The following TRRAP variants were observed in gnomAD, a reference collection of about 807,000 sequenced individuals.
TRRAP encodes transformation/transcription domain-associated protein.
A neutral mutation model predicts 438.8 loss-of-function variants in TRRAP; 41 were observed. That is an observed-to-expected ratio of 0.09 (90% confidence interval 0.07 to 0.12). The LOEUF (loss-of-function observed/expected upper bound fraction) is 0.12, where lower values mean the gene tolerates loss of function less well. Ranked by LOEUF, TRRAP falls within the 10% of genes least tolerant of loss-of-function variation. TRRAP has a pLI of 1.00. For synonymous variants in TRRAP, 1,994 were observed against 1,962.9 expected, an observed-to-expected ratio of 1.02 and a Z score of -0.42; for missense variants, 3,122 against 5,055.1, an observed-to-expected ratio of 0.62 and a Z score of 11.60.
intron 7 of TRRAP, 75 bp downstream of exon 7, chr7:98,895,895 G>C: frequency 8.1e-7 from 1 of 1,241,978 alleles, no homozygotes; most frequent in Non-Finnish European, 1.1e-6. Context: ...TAGAACAGTT[G>C]GGTTGCAGAA....
In TRRAP at chr7:98,976,701, G is replaced by C; in HGVS notation, c.8178G>C (p.Leu2726=). The C allele has an allele frequency of 6.2e-7, 1 of 1,614,120 alleles. No individual in the cohort carries two copies. Among genetic ancestry groups the C allele is most frequent in the Non-Finnish European group, 8.5e-7 (1 of 1,180,040 alleles). ...AGCACCAGGCTTTTGAAAAGGGTCTGAGTCTTCAGATTAAGCCGAAGCAAA... is the reference window on the plus strand; with the variant it reads ...AGCACCAGGCTTTTGAAAAGGGTCTCAGTCTTCAGATTAAGCCGAAGCAAA... ...MLEHQAFEKG[L]SLQIKPKQTT... The change falls in exon 55 of 73, where the codon CTG becomes CTC. Residue 2726 remains leucine (L), a synonymous_variant. Coordinates refer to ENST00000456197, the MANE Select transcript of TRRAP (RefSeq NM_001375524.1). This position sits in a 1 kb window ranked among gnomAD's most constrained non-coding sequence, Gnocchi z 4.6.
chr7:98,986,933 G>A (rs1025642720), intron 62 of TRRAP, among the ~76,000 whole-genome samples: 1 of 152,140 alleles, frequency 6.6e-6, no homozygotes, highest in Non-Finnish European at 1.5e-5. Context: ...GGTTGTCCCA[G>A]CACCATTTGC....
chr7:98,884,547 C>A (rs1795605532), intron 3 of TRRAP, among the ~76,000 whole-genome samples: 1 of 152,158 alleles, frequency 6.6e-6, no homozygotes, highest in South Asian at 2.1e-4. Flanking sequence ...ATCTCTCAGT[C>A]TTAAAGCAGG....
chr7:98,930,833 A>C lies in TRRAP; in HGVS notation c.3591+3A>C, dbSNP rs1790292822. 1 of 1,614,090 alleles carries C rather than the reference A, an allele frequency of 6.2e-7. No individual in the cohort carries two copies. The highest frequency in any genetic ancestry group is 1.3e-5 in the African/African-American group (1 of 74,940). On this transcript the variant is annotated splice_donor_region_variant and intron_variant, in intron 25 of 72. Coordinates refer to ENST00000456197, the MANE Select transcript of TRRAP (RefSeq NM_001375524.1). ...TCATGATGGACTTAACTGGAGAGGT[A>C]GGTGATGGGTGGCCCCAAACCTAAC...
intron 16 of TRRAP, among the ~76,000 whole-genome samples, chr7:98,910,854 T>C (rs1482796564): frequency 6.6e-6 from 1 of 152,164 alleles, no homozygotes; most frequent in African/African-American, 2.4e-5. Context: ...AGACTTAAGT[T>C]TAATAATTTT....
rs1794291865 is a variant in TRRAP, at chr7:99,008,462, G to A, written c.10839G>A (p.Gln3613=). 6.2e-7 allele frequency: 1 copy of A among 1,614,162 alleles called. No homozygotes were observed. Among genetic ancestry groups the A allele is most frequent in the South Asian group, 1.1e-5 (1 of 91,084 alleles). Residue 3613 remains glutamine (Q), a synonymous_variant, in exon 70 of 73, where the codon CAG becomes CAA. Transcript: ENST00000456197. ...SSLSLVEIYK[Q]RCAKKGIEHD... is the part of the protein sequence containing the mutation. ...TTTCCCTTGTGGAGATCTACAAGCA[G>A]CGCTGCGCCAAGAAGGGCATCGAGC...
At chr7:98,992,077 T>C in intron 64 of TRRAP, 60 bp from the exon 65 acceptor site, 3 of 1,570,868 alleles carry the variant, frequency 1.9e-6, no homozygotes, top group Non-Finnish European at 2.6e-6. Flanking sequence ...CAGTACAAAT[T>C]ATCTTTATCC....
intron 20 of TRRAP, among the ~76,000 whole-genome samples, chr7:98,921,444 C>G (rs937949356): frequency 1.3e-5 from 2 of 151,954 alleles, no homozygotes; most frequent in African/African-American, 4.8e-5. Context: ...GGTGTGATCT[C>G]AGCTCACTAC....
chr7:99,004,999 T>C lies in TRRAP; in HGVS notation c.10536-132T>C, dbSNP rs964308305. On this transcript the variant is annotated intron_variant, in intron 68 of 72. Coordinates refer to ENST00000456197, the MANE Select transcript of TRRAP (RefSeq NM_001375524.1). ...GCATCAGGGTGAGGCAGGGTACAAA[T>C]AAATTGATAAACGACCGCTGGCCTA... 30 of 836,968 alleles carry C rather than the reference T, an allele frequency of 3.6e-5. No homozygotes were observed. The Admixed American group carries it at 5.6e-4, about 16-fold the overall frequency. 51.8% of individuals were successfully genotyped at this position (836,968 alleles called of 1,614,324 possible). A position where few individuals can be genotyped will look rare whatever the true frequency, so the allele number is the denominator to read the frequency against.
Position 98,903,560 on chromosome 7 carries a change from G to A in TRRAP, c.1036+43G>A, listed in dbSNP as rs782771329. The stretch of plus-strand genomic sequence containing the variant: ...TGTCTTGAATGCTGATGCTAGTCCT[G>A]TGGCCATCTTTGGGGACTCGGCTGA... On this transcript the variant is annotated intron_variant, in intron 12 of 72. Coordinates refer to ENST00000456197, the MANE Select transcript of TRRAP (RefSeq NM_001375524.1). 4.3e-6 allele frequency: 7 copies of A among 1,609,416 alleles called. No individual in the cohort carries two copies. In the Admixed American group the frequency reaches 1.0e-4, roughly 23 times the overall value.
At chr7:98,967,373 G>A in intron 50 of TRRAP, 112 bp from the exon 51 acceptor site, 1 of 1,353,336 alleles carries the variant, frequency 7.4e-7, no homozygotes, top group East Asian at 2.3e-5. Context: ...ACATACTCTT[G>A]GTTTTCATAG....
intron 51 of TRRAP, among the ~76,000 whole-genome samples, chr7:98,969,817 G>A (rs538520712): frequency 7.2e-5 from 11 of 152,290 alleles, no homozygotes; most frequent in Non-Finnish European, 1.3e-4. Context: ...GGGGTGAGGT[G>A]GGAGGTTCCA....
chr7:98,948,991 G>A lies in TRRAP; in HGVS notation c.4788+306G>A, dbSNP rs141819617. Among the ~76,000 whole-genome samples, 104 of 152,230 alleles carry A rather than the reference G, an allele frequency of 6.8e-4. 2 individuals are homozygous for A. The East Asian group carries it at 7.5e-3, about 11-fold the overall frequency. ...CCCACACCTGTAATCCCAGCACTTC[G>A]GGAAACTGAGGCAGGTGGTTTACTT... On this transcript the variant is annotated intron_variant, in intron 35 of 72. Coordinates refer to ENST00000456197, the MANE Select transcript of TRRAP (RefSeq NM_001375524.1). This position sits in a 1 kb window ranked among gnomAD's most constrained non-coding sequence, Gnocchi z 4.9.
chr7:98,892,333 C>T, intron 4 of TRRAP, 91 bp from the exon 5 acceptor site: 2 of 1,073,880 alleles, frequency 1.9e-6, no homozygotes, highest in Non-Finnish European at 1.4e-6. Context: ...TGGGTGTAAA[C>T]AGCTGTGTGA....
rs1794497857 is a variant in TRRAP at position 99,013,209 on chromosome 7, T to G, written c.*854T>G. ...TCTATCTAAATTTGTACAGTGTGAT[T>G]TTTTTTTTTAGAATAAATATTTTAT... On this transcript the variant is annotated 3_prime_UTR_variant, in exon 73 of 73. Transcript: ENST00000456197. 6.8e-6 allele frequency: 1 copy of G among 147,334 alleles called. No individual in the cohort carries two copies. The highest frequency in any genetic ancestry group is 1.5e-5 in the Non-Finnish European group (1 of 67,568). 9.1% of individuals were successfully genotyped at this position (147,334 alleles called of 1,614,324 possible).
At chr7:98,963,112 G>C (rs1242376826) in intron 47 of TRRAP, among the ~76,000 whole-genome samples, 1 of 152,224 alleles carries the variant, frequency 6.6e-6, no homozygotes, top group Non-Finnish European at 1.5e-5. Context: ...GTATTTTAGA[G>C]TGATTATCAT....
intron 21 of TRRAP, 62 bp downstream of exon 21, chr7:98,922,015 T>C: frequency 6.2e-7 from 1 of 1,602,870 alleles, no homozygotes; most frequent in South Asian, 1.1e-5. Flanking sequence ...TTTCAGTCTA[T>C]GTGAAATGTT....
Position 98,994,875 on chromosome 7 carries a change from A to G in TRRAP, c.10309+27A>G. On this transcript the variant is annotated intron_variant, in intron 67 of 72. Transcript: ENST00000456197. The surrounding 1 kb of genome is among the most constrained non-coding windows in gnomAD (Gnocchi z 4.8). Reference sequence around the variant, plus strand: ...TGAGTCTCCATTTTCCTTCCCTTCCATAGGGAGAATTGTGCACGCTGATTT... The same window carrying G: ...TGAGTCTCCATTTTCCTTCCCTTCCGTAGGGAGAATTGTGCACGCTGATTT... 3.1e-6 allele frequency: 5 copies of G among 1,604,556 alleles called. No individual in the cohort carries two copies. The highest frequency in any genetic ancestry group is 4.3e-6 in the Non-Finnish European group (5 of 1,172,798).
intron 26 of TRRAP, among the ~76,000 whole-genome samples, chr7:98,933,024 A>G (rs1426832110): frequency 6.9e-6 from 1 of 145,488 alleles, no homozygotes; most frequent in East Asian, 2.0e-4. Context: ...TTTTTTTTTA[A>G]TTTTTAAAGA....
Sources: allele counts gnomAD v4.1 joint callset (sites outside exome capture counted in the v4.1 genomes callset), GRCh38; gene constraint gnomAD v4.1.1; non-coding constraint Gnocchi (gnomAD v3.1); transcripts MANE v1.5; gene names NCBI Gene and HGNC (gene_info 2026-07-23, HGNC 2026-07-21).